The following MAST4 variants were observed in gnomAD, a reference collection of about 807,000 sequenced individuals.
The protein encoded by MAST4 is microtubule-associated serine/threonine-protein kinase 4.
A neutral mutation model predicts 162.7 loss-of-function variants in MAST4; 89 were observed. The observed-to-expected ratio is 0.55, with a 90% CI of 0.46 to 0.65. The LOEUF is 0.65. Among genes scored for constraint, MAST4 ranks in the 30% least tolerant of loss-of-function variants. MAST4 has a pLI of 0.00. For missense variants in MAST4, 3,153 were observed against 3,374.0 expected (o/e 0.93, Z 1.62); for synonymous variants, 1,479 against 1,361.1 (o/e 1.09, Z -1.91).
chr5:67,106,784 T>G (rs926091496), intron 10 of MAST4, among the ~76,000 whole-genome samples: 2 of 152,202 alleles, frequency 1.3e-5, no homozygotes, highest in Non-Finnish European at 2.9e-5. Context: ...TGGTCTCACT[T>G]TACCAGCAGA....
intron 3 of MAST4, among the ~76,000 whole-genome samples, chr5:66,805,223 T>C (rs377470641): frequency 3.9e-5 from 6 of 152,242 alleles, no homozygotes; most frequent in Admixed American, 3.9e-4. Flanking sequence ...TCCAGCAGTA[T>C]TACTGGGCAA....
intron 1 of MAST4, among the ~76,000 whole-genome samples, chr5:66,758,271 T>A (rs1753664896): frequency 6.6e-6 from 1 of 152,038 alleles, no homozygotes; most frequent in African/African-American, 2.4e-5. Flanking sequence ...GGGAATCTTT[T>A]AGCAGCTAAG....
At chr5:66,790,099 G>A (rs924026566) in intron 3 of MAST4, among the ~76,000 whole-genome samples, 1 of 142,824 alleles carries the variant, frequency 7.0e-6, no homozygotes, top group African/African-American at 2.6e-5. Context: ...TGGTAGGGTT[G>A]TATGATATGG....
At chr5:66,942,591 T>C (rs188465409) in intron 4 of MAST4, among the ~76,000 whole-genome samples, 292 of 152,258 alleles carry the variant, frequency 1.9e-3, no homozygotes, top group Middle Eastern at 3.4e-3. Context: ...TATGAGAATG[T>C]GGGTGAAAGA....
At chr5:66,962,067 A>T (rs1229641978) in intron 4 of MAST4, among the ~76,000 whole-genome samples, 1 of 152,228 alleles carries the variant, frequency 6.6e-6, no homozygotes, top group Admixed American at 6.5e-5. Context: ...TTATCCATAT[A>T]ATGGGAGACA....
Position 67,145,384 on chromosome 5 carries a change from GC to G in MAST4, c.3094+9del, listed in dbSNP as rs1770952951. ...TCAGCAGCTCCACCCTGTCAGGTAA[GC>G]CCCGGGCCATAGTGCCTGCTGTCCT... On this transcript the variant is annotated splice_donor_region_variant and intron_variant, in intron 23 of 28. Coordinates refer to ENST00000403625, the MANE Select transcript of MAST4 (RefSeq NM_001164664.2). 1 of 1,611,422 alleles carries G rather than the reference GC, an allele frequency of 6.2e-7. No homozygotes were observed. The highest frequency in any genetic ancestry group is 1.7e-5 in the Admixed American group (1 of 59,978).
At chr5:66,966,593 A>G (rs1209453530) in intron 4 of MAST4, among the ~76,000 whole-genome samples, 1 of 152,050 alleles carries the variant, frequency 6.6e-6, no homozygotes, top group Non-Finnish European at 1.5e-5. Context: ...GGGAAAGAGC[A>G]TGGAGGGTGG....
intron 5 of MAST4, among the ~76,000 whole-genome samples, chr5:67,078,776 T>G (rs1258549567): frequency 4.7e-5 from 6 of 128,906 alleles, no homozygotes; most frequent in Non-Finnish European, 3.2e-5. Flanking sequence ...ATATATATAT[T>G]TATTTATATT....
intron 17 of MAST4, 91 bp downstream of exon 17, chr5:67,133,737 A>G: frequency 7.2e-7 from 1 of 1,387,872 alleles, no homozygotes; most frequent in East Asian, 2.3e-5. Context: ...CCATCTTCAC[A>G]TTAGTGCTGG....
intron 4 of MAST4, among the ~76,000 whole-genome samples, chr5:66,980,430 G>A (rs1356623767): frequency 3.3e-5 from 5 of 152,304 alleles, no homozygotes; most frequent in Admixed American, 1.3e-4. Context: ...TAATCTAATT[G>A]AGGTCTGAAT....
Position 67,110,059 on chromosome 5 carries a change from C to A in MAST4, c.1357-39C>A, listed in dbSNP as rs781102214. ...TGATTTTCTTTTCCATTTAATGGAA[C>A]AACTCTGCATCATCACTCTCTTTAT... On this transcript the variant is annotated intron_variant, in intron 10 of 28. Coordinates refer to ENST00000403625, the MANE Select transcript of MAST4 (RefSeq NM_001164664.2). The A allele has an allele frequency of 3.1e-5, 45 of 1,430,982 alleles. No homozygotes were observed. In the Middle Eastern group the frequency reaches 7.0e-4, roughly 22 times the overall value. The allele number at this position is 1,430,982 out of a possible 1,614,324, so 88.6% of individuals were successfully genotyped here.
At chr5:67,144,894 A>G (rs1770873347) in intron 22 of MAST4, 98 bp downstream of exon 22, 3 of 1,392,230 alleles carry the variant, frequency 2.2e-6, no homozygotes, top group Admixed American at 2.4e-5. Context: ...GCTTGTTAAA[A>G]CACAGATCTC....
chr5:66,652,232 C>G (rs1365572656), intron 1 of MAST4, among the ~76,000 whole-genome samples: 1 of 152,148 alleles, frequency 6.6e-6, no homozygotes, highest in Non-Finnish European at 1.5e-5. Flanking sequence ...GGTTTTTCAG[C>G]TTGGATCTTC....
chr5:66,914,352 T>C (rs905208212), intron 4 of MAST4, among the ~76,000 whole-genome samples: 2 of 151,692 alleles, frequency 1.3e-5, no homozygotes, highest in Non-Finnish European at 2.9e-5. Flanking sequence ...GCTGGGGAGA[T>C]TGAGTGGAGG....
chr5:66,605,047 C>T (rs1441369646), intron 1 of MAST4, among the ~76,000 whole-genome samples: 2 of 152,208 alleles, frequency 1.3e-5, no homozygotes, highest in African/African-American at 4.8e-5. Flanking sequence ...AAAAGTTCAA[C>T]AACTAATTTC....
intron 2 of MAST4, among the ~76,000 whole-genome samples, chr5:66,783,815 G>A (rs1754987759): frequency 6.6e-6 from 1 of 152,146 alleles, no homozygotes; most frequent in African/African-American, 2.4e-5. Context: ...TATTGAAAGC[G>A]TGGCTCAGAG....
intron 11 of MAST4, 102 bp from the exon 12 acceptor site, chr5:67,113,985 G>A: frequency 7.6e-7 from 1 of 1,311,382 alleles, no homozygotes; most frequent in Non-Finnish European, 1.1e-6. Context: ...GTAACTTACA[G>A]CCATGTATAC....
At chr5:66,619,246 A>T (rs1035463567) in intron 1 of MAST4, among the ~76,000 whole-genome samples, 1 of 152,158 alleles carries the variant, frequency 6.6e-6, no homozygotes, top group Non-Finnish European at 1.5e-5. Context: ...AGCTCAAAAC[A>T]CATCAGGGGC....
chr5:66,744,032 C>T (rs1462702821), intron 1 of MAST4, among the ~76,000 whole-genome samples: 1 of 152,148 alleles, frequency 6.6e-6, no homozygotes, highest in Non-Finnish European at 1.5e-5. Context: ...CTTCCTCTCT[C>T]TCTTCTTTAT....
Sources: gnomAD v4.1 joint callset for allele counts (sites outside exome capture counted in the v4.1 genomes callset) on GRCh38, gnomAD v4.1.1 for gene constraint, MANE v1.5 for transcripts, NCBI Gene and HGNC (gene_info 2026-07-23, HGNC 2026-07-21) for gene names.